PPIE: variants seen among roughly 807,000 people sequenced by gnomAD.
PPIE encodes peptidyl-prolyl cis-trans isomerase E.
PPIE carries 20 observed loss-of-function variants against 38.4 expected under a neutral mutation model. That is an observed-to-expected ratio of 0.52 (90% CI 0.37 to 0.76). PPIE has a LOEUF of 0.76. Among genes scored for constraint, PPIE ranks in the 30% least tolerant of loss-of-function variants. The pLI is 0.00. For synonymous variants in PPIE, 142 were observed against 135.7 expected (o/e 1.05, Z -0.32); for missense variants, 322 against 385.8 (o/e 0.83, Z 1.39).
At chr1:39,740,111 C>G in intron 1 of PPIE, 54 bp from the exon 2 acceptor site, 1 of 1,456,644 alleles carries the variant, frequency 6.9e-7, no homozygotes, top group Non-Finnish European at 9.6e-7. Flanking sequence ...GCTGCAAGGA[C>G]TTCTGCAAGA....
At chr1:39,749,945 C>T (rs1224006252) in intron 8 of PPIE, among the ~76,000 whole-genome samples, 1 of 152,134 alleles carries the variant, frequency 6.6e-6, no homozygotes, top group Non-Finnish European at 1.5e-5. Flanking sequence ...GCCAGCCTAA[C>T]TAACATGGAG....
intron 8 of PPIE, among the ~76,000 whole-genome samples, 162 bp from the exon 9 acceptor site, chr1:39,752,744 CACTG>C (rs1191198797): frequency 6.6e-6 from 1 of 152,246 alleles, no homozygotes; most frequent in Non-Finnish European, 1.5e-5. Flanking sequence ...CTTACCATTT[CACTG>C]ACTATTAACT....
chr1:39,744,060 G>A, intron 6 of PPIE, 136 bp downstream of exon 6: 1 of 599,748 alleles, frequency 1.7e-6, no homozygotes, highest in Non-Finnish European at 2.9e-6. Context: ...TAGTACTTTG[G>A]TAAAGTCAAT....
At position 39,755,538 on chromosome 1, in the gene PPIE, G is replaced by A. The variant is rs1648175082; in HGVS notation, c.*2183G>A. On this transcript the variant is annotated 3_prime_UTR_variant, in exon 10 of 10. Coordinates refer to ENST00000324379, the MANE Select transcript of PPIE (RefSeq NM_006112.4). ...TGCAAATAATGGCCATCAGAGGTCA[G>A]TCACAGGTGTTAGGCAGGCATCTAT... is the stretch of plus-strand genomic sequence containing the variant. 1.0e-6 allele frequency: 1 copy of A among 985,326 alleles called. No individual in the cohort carries two copies. Among genetic ancestry groups the A allele is most frequent in the Admixed American group, 6.1e-5 (1 of 16,270 alleles). 61.0% of individuals were successfully genotyped at this position (985,326 alleles called of 1,614,324 possible). A position where few individuals can be genotyped will look rare whatever the true frequency, so the allele number is the denominator to read the frequency against.
downstream of PPIE, chr1:39,760,365 G>C (rs1648766396): frequency 6.2e-7 from 1 of 1,605,668 alleles, no homozygotes; most frequent in South Asian, 1.1e-5. Context: ...TCCTGCTTCT[G>C]AGGGGCCCGA....
At chr1:39,749,618 C>T (rs2124347635) in intron 8 of PPIE, among the ~76,000 whole-genome samples, 1 of 152,280 alleles carries the variant, frequency 6.6e-6, no homozygotes, top group South Asian at 2.1e-4. Flanking sequence ...TCTAATGCTT[C>T]ACCTCCTGCA....
In PPIE at chr1:39,743,243, A is replaced by G. The variant is rs767343380; in HGVS notation, c.229A>G (p.Ile77Val). ...MNESELFGRT[I>V]RVNLAKPMRI... ...TGAATCTGAGCTTTTTGGACGTACA[A>G]TTCGTGTCAATTTGGCCAAACCAAT... Residue 77 changes from isoleucine to valine, a missense_variant, in exon 5 of 10, where the codon ATT becomes GTT. Coordinates refer to ENST00000324379, the MANE Select transcript of PPIE (RefSeq NM_006112.4). 5.0e-6 allele frequency: 8 copies of G among 1,614,052 alleles called. No individual in the cohort carries two copies. Among genetic ancestry groups the G allele is most frequent in the Middle Eastern group, 1.6e-4 (1 of 6,084 alleles).
chr1:39,748,839 T>C, intron 7 of PPIE, 64 bp from the exon 8 acceptor site: 2 of 1,497,562 alleles, frequency 1.3e-6, no homozygotes, highest in Non-Finnish European at 1.8e-6. Context: ...AACCAAAGTT[T>C]TTTCGAGGTT....
At chr1:39,747,415 A>G (rs1027908582) in intron 7 of PPIE, 10 of 147,730 alleles carry the variant, frequency 6.8e-5, no homozygotes, top group African/African-American at 2.5e-4. Context: ...TTACATTTCT[A>G]CCAGCAATGT....
At chr1:39,760,617 C>T (rs1396424603), downstream of PPIE, 3 of 1,586,192 alleles carry the variant, frequency 1.9e-6, no homozygotes. Flanking sequence ...GTGGCCTCCT[C>T]CAAGGACCCA....
Position 39,754,179 on chromosome 1 carries a change from A to G in PPIE, c.*824A>G, listed in dbSNP as rs1258718877. 1.4e-6 allele frequency: 1 copy of G among 719,636 alleles called. No individual in the cohort carries two copies. The highest frequency in any genetic ancestry group is 1.3e-4 in the East Asian group (1 of 7,578). The allele number at this position is 719,636 out of a possible 1,614,324, so 44.6% of individuals were successfully genotyped here. Reference sequence around the variant, plus strand: ...GGAACACAGCCACGTCCATTTATTTACATATTGTCCATGGTGGTTTCTTAC... The same window carrying G: ...GGAACACAGCCACGTCCATTTATTTGCATATTGTCCATGGTGGTTTCTTAC... On this transcript the variant is annotated 3_prime_UTR_variant, in exon 10 of 10. Transcript: ENST00000324379.
chr1:39,756,250 G>C lies in PPIE; in HGVS notation c.*2895G>C, dbSNP rs1648259331. ...TTCCTGCAGCCTGGAGAGCAAAGCG[G>C]CTTTCCCTGGGACTGTGTGGCTCCT... On this transcript the variant is annotated 3_prime_UTR_variant, in exon 10 of 10. Transcript: ENST00000324379. The C allele has an allele frequency of 1.0e-6, 1 of 985,466 alleles. No homozygotes were observed. The highest frequency in any genetic ancestry group is 1.7e-5 in the African/African-American group (1 of 57,366). The allele number at this position is 985,466 out of a possible 1,614,324, so 61.0% of individuals were successfully genotyped here.
chr1:39,747,408 C>A (rs1276963215), intron 7 of PPIE: 1 of 147,152 alleles, frequency 6.8e-6, no homozygotes. Flanking sequence ...GACCATTTTA[C>A]ATTTCTACCA....
intron 9 of PPIE, chr1:39,762,189 T>G (rs1649085288): frequency 1.1e-5 from 2 of 189,754 alleles, no homozygotes; most frequent in East Asian, 1.4e-4. Flanking sequence ...GTAATTTATT[T>G]CCTCTCACAC....
chr1:39,763,332 G>C, intron 9 of PPIE: 1 of 917,484 alleles, frequency 1.1e-6, no homozygotes, highest in Non-Finnish European at 1.6e-6. Flanking sequence ...ACCCCCGGCA[G>C]AAAAGGCTGG....
Position 39,753,653 on chromosome 1 carries a change from G to A in PPIE, c.*298G>A, listed in dbSNP as rs1647993498. The A allele has an allele frequency of 8.1e-7, 1 of 1,239,372 alleles. No individual in the cohort carries two copies. Among genetic ancestry groups the A allele is most frequent in the South Asian group, 2.6e-5 (1 of 38,678 alleles). The allele number at this position is 1,239,372 out of a possible 1,614,324, so 76.8% of individuals were successfully genotyped here. ...TGCTGGGCCTCTCCTGGGACTACCAGTGTGGCTCTTACGTGTTTTCTTTGC... is the reference window on the plus strand; with the variant it reads ...TGCTGGGCCTCTCCTGGGACTACCAATGTGGCTCTTACGTGTTTTCTTTGC... On this transcript the variant is annotated 3_prime_UTR_variant, in exon 10 of 10. Coordinates refer to ENST00000324379, the MANE Select transcript of PPIE (RefSeq NM_006112.4).
intron 7 of PPIE, chr1:39,746,569 G>T (rs1380273304): frequency 6.6e-6 from 1 of 152,262 alleles, no homozygotes; most frequent in African/African-American, 2.4e-5. Flanking sequence ...TGGCTACCAG[G>T]TTGGGGAGGG....
chr1:39,757,558 G>A (rs1204247825), downstream of PPIE: 1 of 152,280 alleles, frequency 6.6e-6, no homozygotes, highest in Non-Finnish European at 1.5e-5. Context: ...GACCAAGACT[G>A]CTGGGCATTC....
intron 3 of PPIE, chr1:39,741,653 T>C (rs1407179818): frequency 4.8e-6 from 3 of 624,326 alleles, no homozygotes; most frequent in Non-Finnish European, 8.4e-6. Context: ...TGCACCCCTG[T>C]TCATTGAGCA....
Sources: allele counts gnomAD v4.1 joint callset (sites outside exome capture counted in the v4.1 genomes callset), GRCh38; gene constraint gnomAD v4.1.1; transcripts MANE v1.5; gene names NCBI Gene and HGNC (gene_info 2026-07-23, HGNC 2026-07-21).